The following ZNF326 variants were observed in gnomAD, a reference collection of about 807,000 sequenced individuals.
ZNF326 encodes the protein DBIRD complex subunit ZNF326.
ZNF326 carries 30 observed loss-of-function variants against 63.1 expected under a neutral mutation model. The ratio of observed to expected loss-of-function variants is 0.48; its 90% CI spans 0.36 to 0.64. The LOEUF is 0.64. ZNF326 is among the 30% of genes least tolerant of loss of function. ZNF326 has a pLI of 0.00. For missense variants in ZNF326, 609 were observed against 720.3 expected, an observed-to-expected ratio of 0.85 and a Z score of 1.77; for synonymous variants, 194 against 228.2, an observed-to-expected ratio of 0.85 and a Z score of 1.35.
intron 2 of ZNF326, among the ~76,000 whole-genome samples, chr1:90,002,544 T>G (rs954675155): frequency 6.6e-6 from 1 of 152,206 alleles, no homozygotes; most frequent in Non-Finnish European, 1.5e-5. Flanking sequence ...CTCTGAGAGA[T>G]ATGAGCATAA....
At chr1:90,026,702 A>C (rs2101098586) in intron 11 of ZNF326, among the ~76,000 whole-genome samples, 1 of 152,196 alleles carries the variant, frequency 6.6e-6, no homozygotes, top group South Asian at 2.1e-4. Context: ...ATTCATCTTA[A>C]AGGGTAGTGC....
chr1:90,033,887 G>A lies in ZNF326; in HGVS notation c.*6186G>A, dbSNP rs569690814. ...AATATTTTTGAATGTATGTATGTAT[G>A]TTACAGTATAAATATATAGAGGAGT... On this transcript the variant is annotated 3_prime_UTR_variant, in exon 12 of 12. Transcript: ENST00000340281. The A allele has an allele frequency of 1.3e-5, 2 of 151,648 alleles. No homozygotes were observed. The highest frequency in any genetic ancestry group is 4.2e-4 in the South Asian group (2 of 4,798). 9.4% of individuals were successfully genotyped at this position (151,648 alleles called of 1,614,324 possible). A position where few individuals can be genotyped will look rare whatever the true frequency, so the allele number is the denominator to read the frequency against.
intron 7 of ZNF326, among the ~76,000 whole-genome samples, chr1:90,016,087 G>C (rs1020475335): frequency 3.9e-5 from 6 of 152,040 alleles, no homozygotes; most frequent in Admixed American, 1.3e-4. Flanking sequence ...ACCTCCTATA[G>C]GAAGTAGCAA....
chr1:90,006,868 A>G (rs1649016920), intron 4 of ZNF326, among the ~76,000 whole-genome samples: 1 of 152,196 alleles, frequency 6.6e-6, no homozygotes, highest in South Asian at 2.1e-4. Flanking sequence ...TGGGAGTGCA[A>G]AAGGATCTCT....
rs1316137298 is a variant in ZNF326, at chr1:90,005,130, T to A, written c.98-3T>A. On this transcript the variant is annotated splice_region_variant and splice_polypyrimidine_tract_variant and intron_variant, in intron 3 of 11. Transcript: ENST00000340281. ...TAACTTTTTTCTTTTTAAACTCTTA[T>A]AGGGATGGATCGTGACTATGGCCAT... 1 of 1,613,934 alleles carries A rather than the reference T, an allele frequency of 6.2e-7. No homozygotes were observed. The highest frequency in any genetic ancestry group is 8.5e-7 in the Non-Finnish European group (1 of 1,180,000).
chr1:90,002,928 A>G (rs1364458295), intron 2 of ZNF326, among the ~76,000 whole-genome samples: 1 of 152,138 alleles, frequency 6.6e-6, no homozygotes, highest in African/African-American at 2.4e-5. Context: ...GATCAGTTTT[A>G]TGGCACAATA....
chr1:90,021,239 A>G (rs1292029611), intron 10 of ZNF326, among the ~76,000 whole-genome samples: 1 of 152,100 alleles, frequency 6.6e-6, no homozygotes, highest in African/African-American at 2.4e-5. Context: ...AAATTAATTA[A>G]AACGTATAAG....
intron 1 of ZNF326, among the ~76,000 whole-genome samples, chr1:89,995,842 C>T (rs1177490143): frequency 6.6e-6 from 1 of 152,180 alleles, no homozygotes; most frequent in Non-Finnish European, 1.5e-5. Flanking sequence ...AAGATGTTTC[C>T]TGGTTAGTAA....
At chr1:90,004,966 G>A (rs755279971) in intron 2 of ZNF326, 37 bp from the exon 3 acceptor site, 1 of 1,579,902 alleles carries the variant, frequency 6.3e-7, no homozygotes. Flanking sequence ...AGAGAATGGT[G>A]TATTTTACTG....
At chr1:90,024,021 A>G (rs1354397944) in intron 11 of ZNF326, among the ~76,000 whole-genome samples, 1 of 152,166 alleles carries the variant, frequency 6.6e-6, no homozygotes, top group Admixed American at 6.5e-5. Flanking sequence ...GCATGTGAAA[A>G]TTCAAGAAGC....
chr1:90,002,363 A>G (rs1648727953), intron 2 of ZNF326, among the ~76,000 whole-genome samples: 1 of 152,210 alleles, frequency 6.6e-6, no homozygotes. Context: ...AAAAAACTAA[A>G]GGTTTTAATA....
At chr1:90,000,684 G>A (rs1648633785) in intron 2 of ZNF326, among the ~76,000 whole-genome samples, 1 of 152,214 alleles carries the variant, frequency 6.6e-6, no homozygotes, top group South Asian at 2.1e-4. Context: ...CAGCATGGGT[G>A]ACAGAGCAAG....
intron 8 of ZNF326, among the ~76,000 whole-genome samples, chr1:90,017,693 G>GTCCT (rs1331975481): frequency 5.9e-5 from 9 of 152,318 alleles, no homozygotes; most frequent in African/African-American, 2.2e-4. Context: ...TGCGGGAGGT[G>GTCCT]TCCTTTAACA....
chr1:90,034,603 T>C lies in ZNF326; in HGVS notation c.*6902T>C, dbSNP rs369945878. The C allele has an allele frequency of 6.4e-4, 98 of 152,230 alleles. No individual in the cohort carries two copies. The East Asian group carries it at 0.014, about 22-fold the overall frequency. 9.4% of individuals were successfully genotyped at this position (152,230 alleles called of 1,614,324 possible). A position where few individuals can be genotyped will look rare whatever the true frequency, so the allele number is the denominator to read the frequency against. On this transcript the variant is annotated 3_prime_UTR_variant, in exon 12 of 12. Coordinates refer to ENST00000340281, the MANE Select transcript of ZNF326 (RefSeq NM_182976.4). The stretch of plus-strand genomic sequence containing the variant: ...CATCACAATGCAATGAAACAAAAAA[T>C]TAGCAAGTGGATAGCAATAAATCAA...
Position 90,031,375 on chromosome 1 carries a change from C to T in ZNF326, c.*3674C>T, listed in dbSNP as rs1650263472. The T allele has an allele frequency of 6.6e-6, 1 of 152,052 alleles. No individual in the cohort carries two copies. Among genetic ancestry groups the T allele is most frequent in the Non-Finnish European group, 1.5e-5 (1 of 67,992 alleles). The allele number at this position is 152,052 out of a possible 1,614,324, so 9.4% of individuals were successfully genotyped here. Reference sequence around the variant, plus strand: ...CTCTGTTTTTGTTGGCAAGATTGTTCTTATTGTAGAAGTGGATATTATCAG... The same window carrying T: ...CTCTGTTTTTGTTGGCAAGATTGTTTTTATTGTAGAAGTGGATATTATCAG... On this transcript the variant is annotated 3_prime_UTR_variant, in exon 12 of 12. Transcript: ENST00000340281.
In ZNF326 at chr1:90,016,851, C is replaced by T. The variant is rs1649527624; in HGVS notation, c.927-466C>T. Among the ~76,000 whole-genome samples, 4 of 152,266 alleles carry T rather than the reference C, an allele frequency of 2.6e-5. No homozygotes were observed. The South Asian group carries it at 8.3e-4, about 32-fold the overall frequency. ...ATTAGTTATCCCTAAGTGAAGTAGT[C>T]TTTAGAAGGCAAGACTTTTATCACC... On this transcript the variant is annotated intron_variant, in intron 7 of 11. Coordinates refer to ENST00000340281, the MANE Select transcript of ZNF326 (RefSeq NM_182976.4).
rs1648281135 is a variant in ZNF326, at chr1:89,995,201, G to C, written c.-57G>C. 3 of 1,523,454 alleles carry C rather than the reference G, an allele frequency of 2.0e-6. No individual in the cohort carries two copies. Among genetic ancestry groups the C allele is most frequent in the Non-Finnish European group, 2.6e-6 (3 of 1,138,636 alleles). 94.4% of individuals were successfully genotyped at this position (1,523,454 alleles called of 1,614,324 possible). ...GTGGAATCGCGGGTCGCGGACGCTC[G>C]CCGCCGGCCATAGCTCAGCCTAGCG... On this transcript the variant is annotated 5_prime_UTR_variant, in exon 1 of 12. Coordinates refer to ENST00000340281, the MANE Select transcript of ZNF326 (RefSeq NM_182976.4).
intron 2 of ZNF326, among the ~76,000 whole-genome samples, chr1:90,002,806 A>G (rs918990554): frequency 6.6e-6 from 1 of 152,200 alleles, no homozygotes; most frequent in African/African-American, 2.4e-5. Context: ...ATTAAAACCC[A>G]TTAGTATGTC....
rs575289044 is a variant in ZNF326 at position 90,034,654 on chromosome 1, C to G, written c.*6953C>G. 1 of 152,146 alleles carries G rather than the reference C, an allele frequency of 6.6e-6. No homozygotes were observed. The highest frequency in any genetic ancestry group is 2.4e-5 in the African/African-American group (1 of 41,544). 9.4% of individuals were successfully genotyped at this position (152,146 alleles called of 1,614,324 possible). On this transcript the variant is annotated 3_prime_UTR_variant, in exon 12 of 12. Transcript: ENST00000340281. ...TTTTTAAAAATCAGACAAAAGAAAA[C>G]ACTGTCCTTGTAATGCTTGCATTTA...
Sources: allele counts gnomAD v4.1 joint callset (sites outside exome capture counted in the v4.1 genomes callset), GRCh38; gene constraint gnomAD v4.1.1; transcripts MANE v1.5; gene names NCBI Gene and HGNC (gene_info 2026-07-23, HGNC 2026-07-21).